DDR2: variants seen among roughly 807,000 people sequenced by gnomAD.
DDR2 encodes discoidin domain-containing receptor 2.
In DDR2, 27 loss-of-function variants were observed where a neutral mutation model predicts 94.9. The ratio of observed to expected loss-of-function variants is 0.28; its 90% confidence interval spans 0.21 to 0.39. The LOEUF (loss-of-function observed/expected upper bound fraction) is 0.39, where lower values mean the gene tolerates loss of function less well. Ranked by LOEUF, DDR2 falls within the 10% of genes least tolerant of loss-of-function variation. DDR2 has a pLI of 1.00. For missense variants in DDR2, 783 were observed against 1,076.0 expected (o/e 0.73, Z 3.81); for synonymous variants, 382 against 377.2 (o/e 1.01, Z -0.15).
chr1:162,729,260 C>A (rs1376488343), intron 3 of DDR2, among the ~76,000 whole-genome samples: 2 of 142,614 alleles, frequency 1.4e-5, no homozygotes, highest in African/African-American at 5.3e-5. Context: ...GGACCCTGTG[C>A]TCAAGCCAAG....
chr1:162,705,909 A>G (rs1271266034), intron 2 of DDR2, among the ~76,000 whole-genome samples: 1 of 152,252 alleles, frequency 6.6e-6, no homozygotes, highest in African/African-American at 2.4e-5. Flanking sequence ...CAGTGCTCTC[A>G]TAAGCCCTGA....
intron 14 of DDR2, among the ~76,000 whole-genome samples, chr1:162,774,131 C>T (rs1265133929): frequency 3.3e-5 from 5 of 152,142 alleles, no homozygotes; most frequent in Non-Finnish European, 5.9e-5. Context: ...GCAAAAGGAT[C>T]CACAGTTCTC....
chr1:162,724,328 A>G (rs577751341), intron 3 of DDR2, among the ~76,000 whole-genome samples: 1 of 152,230 alleles, frequency 6.6e-6, no homozygotes, highest in African/African-American at 2.4e-5. Context: ...CTTCCAATGT[A>G]TATTTATGGG....
At chr1:162,740,145 G>A (rs1193213705) in intron 3 of DDR2, among the ~76,000 whole-genome samples, 1 of 151,940 alleles carries the variant, frequency 6.6e-6, no homozygotes, top group Admixed American at 6.6e-5. Flanking sequence ...AGATACAGTG[G>A]CTTTATTCCC....
At chr1:162,731,497 C>T (rs994131599) in intron 3 of DDR2, among the ~76,000 whole-genome samples, 2 of 152,162 alleles carry the variant, frequency 1.3e-5, no homozygotes, top group Non-Finnish European at 2.9e-5. Context: ...TAATACCTAA[C>T]TTTATTGAAT....
intron 2 of DDR2, among the ~76,000 whole-genome samples, chr1:162,688,952 GC>G (rs1421036852): frequency 6.6e-6 from 1 of 152,184 alleles, no homozygotes; most frequent in African/African-American, 2.4e-5. Context: ...TGATGATGAA[GC>G]CTCAGAGCCC....
intron 2 of DDR2, among the ~76,000 whole-genome samples, chr1:162,656,765 A>G (rs566000711): frequency 2.1e-5 from 3 of 141,266 alleles, no homozygotes; most frequent in Non-Finnish European, 4.6e-5. Flanking sequence ...AACATTATTT[A>G]TCTATGATTT....
intron 2 of DDR2, among the ~76,000 whole-genome samples, chr1:162,688,673 C>T (rs1659806751): frequency 6.6e-6 from 1 of 152,198 alleles, no homozygotes; most frequent in Non-Finnish European, 1.5e-5. Context: ...AAGAAGACTG[C>T]CATGACGCAC....
intron 9 of DDR2, among the ~76,000 whole-genome samples, chr1:162,763,649 C>T (rs573714266): frequency 1.7e-4 from 26 of 152,156 alleles, no homozygotes; most frequent in African/African-American, 6.3e-4. Flanking sequence ...TTCAAGAAAT[C>T]TTGATTCCTT....
chr1:162,725,407 G>A (rs1480146309), intron 3 of DDR2, among the ~76,000 whole-genome samples: 4 of 152,110 alleles, frequency 2.6e-5, no homozygotes, highest in African/African-American at 9.7e-5. Context: ...GAGAGGGCAT[G>A]TTGCTCTGTC....
chr1:162,689,841 T>TCAAAAAAAAAAAAAAAAA (rs1558028580), intron 2 of DDR2, among the ~76,000 whole-genome samples: 1 of 14,686 alleles, frequency 6.8e-5, no homozygotes, highest in Non-Finnish European at 1.7e-4. Flanking sequence ...CCATCTCTAC[T>TCAAAAAAAAAAAAAAAAA]TAAAAAAAAA....
At chr1:162,736,763 G>T (rs1429330228) in intron 3 of DDR2, among the ~76,000 whole-genome samples, 1 of 152,176 alleles carries the variant, frequency 6.6e-6, no homozygotes, top group Non-Finnish European at 1.5e-5. Context: ...TGAAAGAATG[G>T]GCAGTGTGGT....
chr1:162,769,917 T>C (rs1176486187), intron 11 of DDR2, among the ~76,000 whole-genome samples: 1 of 152,234 alleles, frequency 6.6e-6, no homozygotes, highest in Non-Finnish European at 1.5e-5. Flanking sequence ...AATTTATGTC[T>C]ATTCCAAAAC....
intron 8 of DDR2, 54 bp downstream of exon 8, chr1:162,760,033 T>A (rs1433303888): frequency 5.0e-6 from 8 of 1,612,674 alleles, no homozygotes; most frequent in African/African-American, 1.3e-5. Flanking sequence ...AATCATAGTG[T>A]GGTAGAGAAA....
intron 15 of DDR2, 47 bp from the exon 16 acceptor site, chr1:162,776,089 T>G: frequency 6.5e-7 from 1 of 1,528,210 alleles, no homozygotes; most frequent in Non-Finnish European, 9.1e-7. Context: ...CTTTCACATC[T>G]TCCTGTTTCC....
At chr1:162,719,182 C>A in intron 3 of DDR2, 37 bp downstream of exon 3, 1 of 1,613,212 alleles carries the variant, frequency 6.2e-7, no homozygotes, top group African/African-American at 1.3e-5. Flanking sequence ...GCTAGAAGAC[C>A]AGCAGAATGT....
intron 9 of DDR2, 81 bp from the exon 10 acceptor site, chr1:162,765,920 G>T: frequency 8.0e-7 from 1 of 1,250,704 alleles, no homozygotes; most frequent in African/African-American, 1.5e-5. Flanking sequence ...CTTGTAATGT[G>T]CTAGGTCACA....
chr1:162,763,436 C>A (rs923473681), intron 9 of DDR2, among the ~76,000 whole-genome samples: 1 of 144,180 alleles, frequency 6.9e-6, no homozygotes, highest in African/African-American at 2.6e-5. Flanking sequence ...CAACCTCAGG[C>A]GATCCAGCCG....
At position 162,755,237 on chromosome 1, in the gene DDR2, A is replaced by G. The variant is rs765885307; in HGVS notation, c.499A>G (p.Ile167Val). The G allele has an allele frequency of 6.2e-7, 1 of 1,614,110 alleles. No homozygotes were observed. Among genetic ancestry groups the G allele is most frequent in the East Asian group, 2.2e-5 (1 of 44,880 alleles). The change falls in exon 6 of 18, where the codon ATT becomes GTT. Residue 167 changes from isoleucine (I) to valine (V), a missense_variant. Physicochemically the swap from Ile to Val is conservative, Grantham distance 29. Coordinates refer to ENST00000367921, the MANE Select transcript of DDR2 (RefSeq NM_006182.4). ...CATTGTAGCCAGATTTGTCCGGTTCATTCCAGTCACCGACCACTCCATGAA... is the reference window on the plus strand; with the variant it reads ...CATTGTAGCCAGATTTGTCCGGTTCGTTCCAGTCACCGACCACTCCATGAA... ...PPIVARFVRFIPVTDHSMNVC... is the reference protein window; with the variant it reads ...PPIVARFVRFVPVTDHSMNVC...
Sources: gnomAD v4.1 joint callset for allele counts (sites outside exome capture counted in the v4.1 genomes callset) on GRCh38, gnomAD v4.1.1 for gene constraint, MANE v1.5 for transcripts, NCBI Gene and HGNC (gene_info 2026-07-23, HGNC 2026-07-21) for gene names.